ABCA8: variants seen among roughly 807,000 people sequenced by gnomAD.
ABCA8 encodes ABC-type organic anion transporter ABCA8.
Under a neutral mutation model 192.3 loss-of-function variants are expected in ABCA8, and 177 were observed. The observed-to-expected ratio is 0.92, with a 90% CI of 0.81 to 1.04. The LOEUF is 1.04. Ranked by LOEUF, ABCA8 falls within the 50% of genes least tolerant of loss-of-function variation. The pLI, the probability that ABCA8 is intolerant of heterozygous loss-of-function variation, is 0.00. For synonymous variants in ABCA8, 642 were observed against 690.2 expected (o/e 0.93, Z 1.09); for missense variants, 1,915 against 1,904.8 (o/e 1.01, Z -0.10).
intron 32 of ABCA8, 171 bp downstream of exon 32, chr17:68,880,949 G>T: frequency 1.6e-6 from 1 of 624,950 alleles, no homozygotes; most frequent in South Asian, 1.9e-5. Flanking sequence ...ACCTTTCAGT[G>T]CTTAGCTTTT....
chr17:68,952,553 C>T (rs530877087), intron 1 of ABCA8, among the ~76,000 whole-genome samples: 1 of 152,276 alleles, frequency 6.6e-6, no homozygotes, highest in South Asian at 2.1e-4. Context: ...ATTAACTTTG[C>T]CAATGAATTA....
intron 30 of ABCA8, among the ~76,000 whole-genome samples, chr17:68,882,367 G>C (rs1467517202): frequency 6.6e-6 from 1 of 152,198 alleles, no homozygotes; most frequent in Non-Finnish European, 1.5e-5. Flanking sequence ...CTGCTGCTTA[G>C]CTCAGATTCT....
At chr17:68,912,437 C>T (rs1198591128) in intron 17 of ABCA8, among the ~76,000 whole-genome samples, 1 of 151,636 alleles carries the variant, frequency 6.6e-6, no homozygotes, top group Non-Finnish European at 1.5e-5. Context: ...ATGAAGCATG[C>T]CTACAAGATC....
At chr17:68,914,896 T>TAC (rs3040303) in intron 17 of ABCA8, among the ~76,000 whole-genome samples, 103,981 of 151,856 alleles carry the variant, frequency 0.68, 36,858 homozygotes, top group African/African-American at 0.88. Flanking sequence ...CAAATTATAC[T>TAC]AGAGTTGTAA....
intron 24 of ABCA8, among the ~76,000 whole-genome samples, chr17:68,890,821 CT>C (rs1186728771): frequency 1.3e-5 from 2 of 152,112 alleles, no homozygotes; most frequent in Non-Finnish European, 2.9e-5. Flanking sequence ...GCTCGGCTGC[CT>C]TTTATTTTTT....
Position 68,937,086 on chromosome 17 carries a change from C to G in ABCA8, c.331G>C (p.Glu111Gln), listed in dbSNP as rs200731404. 2 of 1,608,072 alleles carry G rather than the reference C, an allele frequency of 1.2e-6. No individual in the cohort carries two copies. Among genetic ancestry groups the G allele is most frequent in the Non-Finnish European group, 1.7e-6 (2 of 1,177,746 alleles). Residue 111 changes from glutamate to glutamine, a missense_variant, in exon 5 of 40, where the codon GAA becomes CAA. Glu to Gln is a conservative substitution (Grantham distance 29, BLOSUM62 2). Transcript: ENST00000586539. ...GKEVLGLPDE[E>Q]SIKEFTANYP... Reference sequence around the variant, plus strand: ...TTTGCTGTGAATTCTTTAATACTTTCCTCATCTGGCAGTCCCAAGACCTCT... The same window carrying G: ...TTTGCTGTGAATTCTTTAATACTTTGCTCATCTGGCAGTCCCAAGACCTCT...
chr17:68,872,246 C>T (rs189106890), intron 37 of ABCA8, among the ~76,000 whole-genome samples: 1 of 152,120 alleles, frequency 6.6e-6, no homozygotes, highest in Admixed American at 6.5e-5. Context: ...GAATACTATG[C>T]AGCCATAAAA....
At chr17:68,953,168 A>C (rs1163569728) in intron 1 of ABCA8, among the ~76,000 whole-genome samples, 1 of 152,182 alleles carries the variant, frequency 6.6e-6, no homozygotes, top group African/African-American at 2.4e-5. Flanking sequence ...AGATTCTGGA[A>C]GGTACCATCA....
intron 8 of ABCA8, 132 bp downstream of exon 8, chr17:68,929,429 G>A (rs2067796107): frequency 8.4e-7 from 1 of 1,196,948 alleles, no homozygotes; most frequent in South Asian, 1.7e-5. Flanking sequence ...AAATCAAATT[G>A]TACCTGTTTA....
At chr17:68,947,625 A>G (rs1328288712) in intron 2 of ABCA8, among the ~76,000 whole-genome samples, 2 of 152,234 alleles carry the variant, frequency 1.3e-5, no homozygotes, top group East Asian at 1.9e-4. Flanking sequence ...CGAAGGTTCA[A>G]TTAATTAAAT....
At chr17:68,954,624 CATT>C (rs2068664486) in intron 1 of ABCA8, among the ~76,000 whole-genome samples, 1 of 152,086 alleles carries the variant, frequency 6.6e-6, no homozygotes, top group Non-Finnish European at 1.5e-5. Context: ...TTTTAAATAA[CATT>C]GTGGTAAAGA....
At chr17:68,893,721 C>CTTTTTTTTTTTTTTTTTTCTTTTT (rs5821690) in intron 23 of ABCA8, among the ~76,000 whole-genome samples, 1 of 127,690 alleles carries the variant, frequency 7.8e-6, no homozygotes, top group Non-Finnish European at 1.6e-5. Flanking sequence ...TTCATATTCT[C>CTTTTTTTTTTTTTTTTTTCTTTTT]TTTTTTTTTT....
intron 3 of ABCA8, 92 bp downstream of exon 3, chr17:68,941,845 ATG>A (rs756857704): frequency 1.3e-6 from 1 of 779,942 alleles, no homozygotes; most frequent in Non-Finnish European, 2.1e-6. Context: ...TTTTTGGTGT[ATG>A]TGTCGGGGGA....
intron 30 of ABCA8, among the ~76,000 whole-genome samples, chr17:68,882,270 G>C (rs1434885855): frequency 6.6e-6 from 1 of 152,174 alleles, no homozygotes; most frequent in Non-Finnish European, 1.5e-5. Context: ...GAGAAGCACT[G>C]ATTATCCTCA....
chr17:68,884,467 T>C (rs922711279), intron 27 of ABCA8, 71 bp from the exon 28 acceptor site: 1 of 1,495,562 alleles, frequency 6.7e-7, no homozygotes, highest in African/African-American at 1.4e-5. Flanking sequence ...TATACGTGAA[T>C]TGGCCCTAAA....
intron 6 of ABCA8, 40 bp from the exon 7 acceptor site, chr17:68,932,554 G>T: frequency 2.9e-6 from 4 of 1,393,210 alleles, no homozygotes; most frequent in Non-Finnish European, 3.0e-6. Flanking sequence ...GTACGTTAAT[G>T]AACAGCATGC....
Position 68,917,358 on chromosome 17 carries a change from T to G in ABCA8, c.2138+3A>C. 1.2e-6 allele frequency: 2 copies of G among 1,603,698 alleles called. No homozygotes were observed. The highest frequency in any genetic ancestry group is 1.7e-6 in the Non-Finnish European group (2 of 1,172,710). On this transcript the variant is annotated splice_donor_region_variant and intron_variant, in intron 17 of 39. Transcript: ENST00000586539. ...TACTCCCAGCCTTCTTAAGTGACCT[T>G]ACCTTAAGTGATATCCAATCCCCCA...
In ABCA8 at chr17:68,872,522, A is replaced by T. The variant is rs551149163; in HGVS notation, c.4631+2738T>A. ...CAGCGCACCAGCATGGCACATGTAT[A>T]CATATGTAACTAACCTGCACAATGT... On this transcript the variant is annotated intron_variant, in intron 37 of 39. Coordinates refer to ENST00000586539, the MANE Select transcript of ABCA8 (RefSeq NM_001288985.2). Among the ~76,000 whole-genome samples, 375 of 151,742 alleles carry T rather than the reference A, an allele frequency of 2.5e-3. 2 individuals are homozygous for T. Among genetic ancestry groups the T allele is most frequent in the African/African-American group, 8.7e-3 (362 of 41,418 alleles).
chr17:68,898,509 C>G (rs993460834), intron 21 of ABCA8, among the ~76,000 whole-genome samples: 1 of 152,038 alleles, frequency 6.6e-6, no homozygotes, highest in African/African-American at 2.4e-5. Flanking sequence ...AATTTGAATC[C>G]AAGTGAAAAG....
Sources: gnomAD v4.1 joint callset for allele counts (sites outside exome capture counted in the v4.1 genomes callset) on GRCh38, gnomAD v4.1.1 for gene constraint, MANE v1.5 for transcripts, NCBI Gene and HGNC (gene_info 2026-07-23, HGNC 2026-07-21) for gene names.